AFF3: variants seen among roughly 807,000 people sequenced by gnomAD.
AFF3 encodes AF4/FMR2 family member 3.
Under a neutral mutation model 129.7 loss-of-function variants are expected in AFF3, and 32 were observed. The ratio of observed to expected loss-of-function variants is 0.25; its 90% confidence interval spans 0.19 to 0.33. The LOEUF (loss-of-function observed/expected upper bound fraction) is 0.33. Among genes scored for constraint, AFF3 ranks in the 10% least tolerant of loss-of-function variants. The pLI, the probability that AFF3 is intolerant of heterozygous loss-of-function variation, is 1.00. For missense variants in AFF3, 1,373 were observed against 1,592.0 expected (o/e 0.86, Z 2.34); for synonymous variants, 644 against 635.4 (o/e 1.01, Z -0.20).
intron 8 of AFF3, among the ~76,000 whole-genome samples, chr2:99,827,971 G>C (rs1688219360): frequency 6.6e-6 from 1 of 152,126 alleles, no homozygotes; most frequent in South Asian, 2.1e-4. Flanking sequence ...GGGTGACGAG[G>C]ACAGTGACAA....
At chr2:99,755,453 G>C (rs555443675) in intron 8 of AFF3, among the ~76,000 whole-genome samples, 7 of 152,174 alleles carry the variant, frequency 4.6e-5, no homozygotes, top group African/African-American at 1.4e-4. Context: ...TTTTAGTAGA[G>C]ATGGGGTTTC....
chr2:99,620,826 G>T (rs928228375), intron 13 of AFF3, among the ~76,000 whole-genome samples: 1 of 152,066 alleles, frequency 6.6e-6, no homozygotes, highest in Non-Finnish European at 1.5e-5. Context: ...TTATGCAAGA[G>T]CTGGCTGTTT....
chr2:99,733,105 C>T (rs929334474), intron 10 of AFF3, among the ~76,000 whole-genome samples: 3 of 151,944 alleles, frequency 2.0e-5, no homozygotes, highest in South Asian at 2.1e-4. Context: ...CTTGGCCGGG[C>T]GCGGTAGTTC....
chr2:99,694,956 G>A (rs1352019303), intron 11 of AFF3, among the ~76,000 whole-genome samples: 1 of 152,030 alleles, frequency 6.6e-6, no homozygotes, highest in South Asian at 2.1e-4. Context: ...ACCCATATTG[G>A]CCTCCCAGAG....
Position 99,554,673 on chromosome 2 carries a change from G to T in AFF3, c.3335+10C>A, listed in dbSNP as rs1276424365. 2 of 1,614,194 alleles carry T rather than the reference G, an allele frequency of 1.2e-6. No homozygotes were observed. The highest frequency in any genetic ancestry group is 4.5e-5 in the East Asian group (2 of 44,876). On this transcript the variant is annotated intron_variant, in intron 23 of 24. Transcript: ENST00000672756. ...GGCTTACGGCATTGACTTTGGAAAAGCGAACTTACTTTCCACTGGCCCCCC... is the reference window on the plus strand; with the variant it reads ...GGCTTACGGCATTGACTTTGGAAAATCGAACTTACTTTCCACTGGCCCCCC...
chr2:100,004,531 C>T (rs1681770498), intron 7 of AFF3, among the ~76,000 whole-genome samples: 1 of 152,080 alleles, frequency 6.6e-6, no homozygotes, highest in Non-Finnish European at 1.5e-5. Flanking sequence ...AGCAATCCTC[C>T]CACCTCAGCC....
At chr2:99,969,915 C>A (rs145735470) in intron 7 of AFF3, among the ~76,000 whole-genome samples, 135 of 152,220 alleles carry the variant, frequency 8.9e-4, no homozygotes, top group African/African-American at 3.2e-3. Flanking sequence ...TGAAATTTTA[C>A]ACAGAATTAT....
At chr2:100,120,608 A>G (rs564288069) in intron 2 of AFF3, among the ~76,000 whole-genome samples, 2 of 152,114 alleles carry the variant, frequency 1.3e-5, no homozygotes, top group Non-Finnish European at 2.9e-5. Flanking sequence ...TGAGGCAATT[A>G]AAATGTAGCT....
At chr2:100,022,023 T>C (rs1408061710) in intron 4 of AFF3, among the ~76,000 whole-genome samples, 1 of 152,226 alleles carries the variant, frequency 6.6e-6, no homozygotes. Flanking sequence ...GTGAAAACTC[T>C]GTAGTCAATC....
At chr2:99,598,342 G>A (rs1242393784) in intron 14 of AFF3, among the ~76,000 whole-genome samples, 2 of 152,196 alleles carry the variant, frequency 1.3e-5, no homozygotes, top group African/African-American at 4.8e-5. Context: ...CTCCTGCAAA[G>A]CTCTGGTATA....
intron 20 of AFF3, among the ~76,000 whole-genome samples, chr2:99,562,639 T>C (rs1559479936): frequency 1.3e-5 from 2 of 152,222 alleles, no homozygotes; most frequent in Admixed American, 6.5e-5. Flanking sequence ...CATCTTTGCA[T>C]TGAGGTCTTC....
chr2:99,894,384 A>AG lies in AFF3; in HGVS notation c.874-56861dup, dbSNP rs762272643. ...GAGGAGGAAGGGAAGAAAGGGAGGG[A>AG]GGGAAAAAAGGAAGGAACCAGAAGC... is the stretch of plus-strand genomic sequence containing the variant. On this transcript the variant is annotated intron_variant, in intron 7 of 24. Transcript: ENST00000672756. Among the ~76,000 whole-genome samples, 5 of 151,768 alleles carry AG rather than the reference A, an allele frequency of 3.3e-5. No homozygotes were observed. The East Asian group carries it at 5.8e-4, about 18-fold the overall frequency.
chr2:99,709,907 A>G (rs1677744386), intron 11 of AFF3, among the ~76,000 whole-genome samples: 1 of 152,212 alleles, frequency 6.6e-6, no homozygotes, highest in Non-Finnish European at 1.5e-5. Flanking sequence ...TCTGGAAACC[A>G]CTTTGAACTT....
intron 7 of AFF3, among the ~76,000 whole-genome samples, chr2:99,889,880 G>A (rs13023634): frequency 0.34 from 51,108 of 151,882 alleles, 9,609 homozygotes; most frequent in East Asian, 0.57. Flanking sequence ...GGCTGGTCTC[G>A]AACTCCCGAC....
chr2:99,648,185 AG>A (rs1684863862), intron 13 of AFF3, among the ~76,000 whole-genome samples: 1 of 152,208 alleles, frequency 6.6e-6, no homozygotes, highest in Admixed American at 6.5e-5. Context: ...ACCCATTTAA[AG>A]CATACAATTC....
At chr2:99,594,366 C>A in intron 14 of AFF3, 77 bp from the exon 15 acceptor site, 4 of 1,519,056 alleles carry the variant, frequency 2.6e-6, no homozygotes, top group South Asian at 1.3e-5. Flanking sequence ...CTGTTTTTAT[C>A]TTGACTTACT....
At chr2:99,843,981 G>T (rs1400176931) in intron 7 of AFF3, among the ~76,000 whole-genome samples, 1 of 152,050 alleles carries the variant, frequency 6.6e-6, no homozygotes, top group Non-Finnish European at 1.5e-5. Context: ...AGTGAGCCAA[G>T]AGTGCACCAC....
At chr2:99,832,963 A>G (rs1004181375) in intron 8 of AFF3, among the ~76,000 whole-genome samples, 4 of 152,226 alleles carry the variant, frequency 2.6e-5, no homozygotes, top group Non-Finnish European at 5.9e-5. Context: ...TAGAAAAAAA[A>G]GCCTGCCTGG....
chr2:99,951,894 C>T (rs1676201352), intron 7 of AFF3, among the ~76,000 whole-genome samples: 1 of 152,208 alleles, frequency 6.6e-6, no homozygotes, highest in Non-Finnish European at 1.5e-5. Flanking sequence ...GATCCGCCTG[C>T]CTTGGCCTCC....
Sources: gnomAD v4.1 joint callset for allele counts (sites outside exome capture counted in the v4.1 genomes callset) on GRCh38, gnomAD v4.1.1 for gene constraint, MANE v1.5 for transcripts, NCBI Gene and HGNC (gene_info 2026-07-23, HGNC 2026-07-21) for gene names.